Variants in RNF212 observed in about 807,000 individuals in gnomAD.
RNF212 encodes probable E3 SUMO-protein ligase RNF212.
RNF212 carries 33 observed loss-of-function variants against 34.7 expected under a neutral mutation model. The ratio of observed to expected loss-of-function variants is 0.95; its 90% CI spans 0.72 to 1.27. The LOEUF is 1.27. RNF212 is among the 50% of genes most tolerant of loss of function. The pLI, the probability that RNF212 is intolerant of heterozygous loss-of-function variation, is 0.00. For synonymous variants in RNF212, 140 were observed against 136.1 expected (o/e 1.03, Z -0.20); for missense variants, 377 against 362.2 (o/e 1.04, Z -0.33).
intron 1 of RNF212, among the ~76,000 whole-genome samples, chr4:1,112,490 C>T (rs559723166): frequency 5.4e-4 from 82 of 152,004 alleles, no homozygotes; most frequent in South Asian, 6.2e-4. Flanking sequence ...AAAATTTTCA[C>T]AGAAAGAAAA....
intron 3 of RNF212, chr4:1,094,044 A>C (rs1722650042): frequency 7.3e-7 from 1 of 1,367,452 alleles, no homozygotes; most frequent in South Asian, 1.3e-5. Flanking sequence ...TTTCAGAAGC[A>C]AGGAAGCTCC....
At chr4:1,113,172 C>G (rs567255987) in intron 1 of RNF212, among the ~76,000 whole-genome samples, 184 bp downstream of exon 1, 10 of 7,756 alleles carry the variant, frequency 1.3e-3, no homozygotes, top group Admixed American at 2.7e-3. Context: ...TCCCCTGCTC[C>G]TCGCGGCCTC....
chr4:1,076,077 C>T (rs1263364173), intron 8 of RNF212, among the ~76,000 whole-genome samples: 2 of 152,170 alleles, frequency 1.3e-5, no homozygotes, highest in African/African-American at 2.4e-5. Context: ...TAGAAAATGC[C>T]ATGCTCATTT....
chr4:1,096,824 G>C lies in RNF212; in HGVS notation c.187C>G (p.Gln63Glu), dbSNP rs1282430293. 1 of 1,611,858 alleles carries C rather than the reference G, an allele frequency of 6.2e-7. No individual in the cohort carries two copies. The highest frequency in any genetic ancestry group is 8.5e-7 in the Non-Finnish European group (1 of 1,177,986). The change falls in exon 3 of 10, where the codon CAG becomes GAG. Residue 63 changes from glutamine to glutamate, a missense_variant. Physicochemically the swap from Gln to Glu is conservative, Grantham distance 29. Transcript: ENST00000433731. ...CTGTCTATGCTCATGAAGAATGCCT[G>C]GATATCTGCGTCGGTCTGAAAGAGA... ...LLSKHTDADI[Q>E]AFFMSIDSLC...
chr4:1,079,602 G>T (rs75477718), intron 8 of RNF212, 41 bp downstream of exon 8: 1 of 1,375,956 alleles, frequency 7.3e-7, no homozygotes, highest in Non-Finnish European at 1.0e-6. Context: ...AATGCCACAC[G>T]TCTGGTATAC....
At chr4:1,060,575 C>T (rs984746714) in intron 3 of RNF212, among the ~76,000 whole-genome samples, 10 of 152,266 alleles carry the variant, frequency 6.6e-5, no homozygotes, top group Admixed American at 1.3e-4. Context: ...CAACATCTTC[C>T]AGCGCAGCGG....
intron 3 of RNF212, among the ~76,000 whole-genome samples, chr4:1,094,488 A>T (rs930197179): frequency 3.9e-5 from 6 of 152,168 alleles, no homozygotes; most frequent in African/African-American, 1.4e-4. Context: ...ACAAGCCGCA[A>T]CTGAGAGGAC....
downstream of RNF212, among the ~76,000 whole-genome samples, chr4:1,070,953 A>T (rs1254665243): frequency 6.6e-6 from 1 of 151,854 alleles, no homozygotes; most frequent in East Asian, 1.9e-4. Flanking sequence ...ATTTTAAAAA[A>T]CTAATTTGTT....
intron 2 of RNF212, chr4:1,100,123 ACT>A: frequency 2.9e-6 from 1 of 340,582 alleles, no homozygotes; most frequent in Non-Finnish European, 5.8e-6. Context: ...GGCTGTCAAC[ACT>A]AATTTCATCT....
rs373551967 is a variant in RNF212 at position 1,065,682 on chromosome 4, C to G, written n.148-7289G>C. Among the ~76,000 whole-genome samples, 28 of 152,250 alleles carry G rather than the reference C, an allele frequency of 1.8e-4. 2 individuals carry two copies. In the Middle Eastern group the frequency reaches 0.031, roughly 166 times the overall value. ...CCCAGGCTGGTCTGGAACTCCTAGG[C>G]TCAGCTCCACCTCGGCCTCTCAGCT... is the stretch of plus-strand genomic sequence containing the variant. On this transcript the variant is annotated intron_variant and non_coding_transcript_variant, in intron 3 of 4. Transcript: ENST00000503206.
Position 1,090,433 on chromosome 4 carries a change from G to C in RNF212, c.303+349C>G, listed in dbSNP as rs1027684156. Among the ~76,000 whole-genome samples, 38 of 152,296 alleles carry C rather than the reference G, an allele frequency of 2.5e-4. 2 individuals are homozygous for C. Among genetic ancestry groups the C allele is most frequent in the Non-Finnish European group, 1.2e-4 (8 of 68,022 alleles). Reference sequence around the variant, plus strand: ...CATAACCTTCAAAGTTTTTTAAAAAGGACTTGTTTTTCAAAATGGGATGGT... The same window carrying C: ...CATAACCTTCAAAGTTTTTTAAAAACGACTTGTTTTTCAAAATGGGATGGT... On this transcript the variant is annotated intron_variant, in intron 4 of 9. Transcript: ENST00000433731.
At chr4:1,109,071 G>A (rs959820531) in intron 1 of RNF212, among the ~76,000 whole-genome samples, 2 of 147,086 alleles carry the variant, frequency 1.4e-5, no homozygotes, top group African/African-American at 2.5e-5. Flanking sequence ...GTAATGACGC[G>A]ATCTTGGCTC....
intron 3 of RNF212, among the ~76,000 whole-genome samples, chr4:1,058,891 C>A (rs1396831399): frequency 6.6e-6 from 1 of 152,222 alleles, no homozygotes; most frequent in Non-Finnish European, 1.5e-5. Context: ...CCTCCCCCGC[C>A]TCTCCCAAGC....
At position 1,092,256 on chromosome 4, in the gene RNF212, A is replaced by T. The variant is rs1039630101; in HGVS notation, c.247-1418T>A. Among the ~76,000 whole-genome samples, 3 of 152,190 alleles carry T rather than the reference A, an allele frequency of 2.0e-5. No individual in the cohort carries two copies. In the South Asian group the frequency reaches 6.2e-4, roughly 31 times the overall value. ...AGAAAGGCCTTGGGGAGACGAGGTC[A>T]GTCTGTGGCTGATCCTGATTTGGCA... On this transcript the variant is annotated intron_variant, in intron 3 of 9. Coordinates refer to ENST00000433731, the MANE Select transcript of RNF212 (RefSeq NM_001131034.4).
rs143972784 is a variant in RNF212 at position 1,065,078 on chromosome 4, G to A, written n.148-6685C>T. Among the ~76,000 whole-genome samples the A allele has an allele frequency of 6.0e-3, 911 of 152,328 alleles. 16 individuals carry two copies. The highest frequency in any genetic ancestry group is 0.02 in the African/African-American group (833 of 41,580). The stretch of plus-strand genomic sequence containing the variant: ...AGATGGCTCCCATGTTTTAGACACT[G>A]TGAATAATACTGCTACGATCTTGGG... On this transcript the variant is annotated intron_variant and non_coding_transcript_variant, in intron 3 of 4. Coordinates refer to the RNF212 transcript ENST00000503206.
At chr4:1,076,204 G>A (rs1055301651) in intron 8 of RNF212, among the ~76,000 whole-genome samples, 8 of 152,182 alleles carry the variant, frequency 5.3e-5, no homozygotes, top group Non-Finnish European at 8.8e-5. Context: ...TGTCCAGGAG[G>A]GTGGGGGCCT....
At chr4:1,102,806 T>G (rs970120390) in intron 2 of RNF212, among the ~76,000 whole-genome samples, 3 of 151,742 alleles carry the variant, frequency 2.0e-5, no homozygotes, top group Non-Finnish European at 4.4e-5. Context: ...GAGCCAAGAC[T>G]GCGCCACTGC....
chr4:1,085,696 C>G (rs1721052872), intron 5 of RNF212, 200 bp downstream of exon 5: 5 of 595,310 alleles, frequency 8.4e-6, no homozygotes, highest in Non-Finnish European at 1.5e-5. Flanking sequence ...ATCTCTTTTT[C>G]ACTTTTTCTT....
intron 3 of RNF212, among the ~76,000 whole-genome samples, chr4:1,095,829 G>C (rs1456207021): frequency 3.1e-5 from 2 of 64,674 alleles, no homozygotes; most frequent in Non-Finnish European, 5.3e-5. Context: ...ATGGTCTCGG[G>C]ATAGCGCACC....
Sources: allele counts gnomAD v4.1 joint callset (sites outside exome capture counted in the v4.1 genomes callset), GRCh38; gene constraint gnomAD v4.1.1; transcripts MANE v1.5; gene names NCBI Gene and HGNC (gene_info 2026-07-23, HGNC 2026-07-21).